The following FAM81A variants were observed in gnomAD, a reference collection of about 807,000 sequenced individuals.
FAM81A encodes the protein protein FAM81A.
A neutral mutation model predicts 46.7 loss-of-function variants in FAM81A; 19 were observed. The ratio of observed to expected loss-of-function variants is 0.41; its 90% confidence interval spans 0.28 to 0.60. FAM81A has a LOEUF of 0.60. Ranked by LOEUF, FAM81A falls within the 20% of genes least tolerant of loss-of-function variation. FAM81A has a pLI of 0.34. For synonymous variants in FAM81A, 183 were observed against 152.9 expected, an observed-to-expected ratio of 1.20 and a Z score of -1.45; for missense variants, 377 against 453.5, an observed-to-expected ratio of 0.83 and a Z score of 1.53.
chr15:59,494,427 A>G (rs1172489815), intron 4 of FAM81A, among the ~76,000 whole-genome samples: 9 of 152,212 alleles, frequency 5.9e-5, no homozygotes, highest in African/African-American at 1.9e-4. Context: ...TGGCTTTATC[A>G]TCTCAGGGGC....
intron 2 of FAM81A, among the ~76,000 whole-genome samples, chr15:59,429,338 C>A (rs1243517249): frequency 6.6e-6 from 1 of 152,068 alleles, no homozygotes; most frequent in African/African-American, 2.4e-5. Flanking sequence ...ATACTCATGT[C>A]CTTTCATTAT....
At chr15:59,488,944 A>G (rs1450416865) in intron 3 of FAM81A, among the ~76,000 whole-genome samples, 3 of 151,482 alleles carry the variant, frequency 2.0e-5, no homozygotes, top group Non-Finnish European at 4.4e-5. Flanking sequence ...GCCTGGGTTC[A>G]GCGCAAGACC....
rs539877529 is a variant in FAM81A, at chr15:59,431,657, T to C, written c.-77-26893T>C. ...TGGGATTATGGGCACCTGCCATGGT[T>C]CCTTTGATATTACCTTGGGGTACAT... is the stretch of plus-strand genomic sequence containing the variant. On this transcript the variant is annotated intron_variant, in intron 2 of 4. Transcript: ENST00000558348. Among the ~76,000 whole-genome samples the C allele has an allele frequency of 4.1e-4, 62 of 152,296 alleles. 2 individuals carry two copies. The highest frequency in any genetic ancestry group is 1.5e-4 in the Non-Finnish European group (10 of 68,024).
chr15:59,458,696 T>C (rs2081513445), intron 2 of FAM81A, 50 bp downstream of exon 2: 2 of 1,530,580 alleles, frequency 1.3e-6, no homozygotes, highest in Non-Finnish European at 1.8e-6. Flanking sequence ...GTGGGTGTGA[T>C]AGTTACAAAT....
At chr15:59,428,193 CTA>C (rs1314080176) in intron 2 of FAM81A, among the ~76,000 whole-genome samples, 2 of 152,094 alleles carry the variant, frequency 1.3e-5, no homozygotes, top group African/African-American at 4.8e-5. Context: ...TTTGCCATTT[CTA>C]TGTCTTCTTG....
At chr15:59,439,897 A>C (rs62013069) in intron 1 of FAM81A, 54,806 of 151,824 alleles carry the variant, frequency 0.36, 10,426 homozygotes, top group Middle Eastern at 0.45. Flanking sequence ...ACCTGGCTTT[A>C]AATGTCTTGT....
chr15:59,489,643 T>G (rs2081961485), intron 3 of FAM81A, among the ~76,000 whole-genome samples: 1 of 152,154 alleles, frequency 6.6e-6, no homozygotes, highest in South Asian at 2.1e-4. Flanking sequence ...TCACATTACC[T>G]GACTTGCAAT....
intron 2 of FAM81A, among the ~76,000 whole-genome samples, chr15:59,459,005 AC>A (rs2081518092): frequency 6.6e-6 from 1 of 152,178 alleles, no homozygotes; most frequent in Non-Finnish European, 1.5e-5. Context: ...GTTCTTAAAT[AC>A]TTTTTTTGGA....
At chr15:59,495,480 T>A (rs2082023666) in intron 4 of FAM81A, among the ~76,000 whole-genome samples, 2 of 152,216 alleles carry the variant, frequency 1.3e-5, no homozygotes, top group Non-Finnish European at 2.9e-5. Context: ...CTGTGAACAT[T>A]TGTCTATTTG....
chr15:59,398,888 G>A (rs28368449), intron 1 of FAM81A, among the ~76,000 whole-genome samples: 16,238 of 151,452 alleles, frequency 0.11, 1,220 homozygotes, highest in East Asian at 0.29. Flanking sequence ...ATCAGCTATC[G>A]GCCAGGTATG....
intron 3 of FAM81A, among the ~76,000 whole-genome samples, chr15:59,472,055 T>C (rs1392546666): frequency 6.6e-6 from 1 of 152,220 alleles, no homozygotes; most frequent in African/African-American, 2.4e-5. Context: ...GGATTTACCT[T>C]TCTTTCATTG....
chr15:59,489,275 A>G (rs1385532081), intron 3 of FAM81A, among the ~76,000 whole-genome samples: 1 of 144,790 alleles, frequency 6.9e-6, no homozygotes, highest in Non-Finnish European at 1.5e-5. Context: ...AAATACATAC[A>G]TACATACATA....
chr15:59,500,749 G>T (rs2082082726), intron 4 of FAM81A, among the ~76,000 whole-genome samples: 1 of 151,004 alleles, frequency 6.6e-6, no homozygotes, highest in African/African-American at 2.4e-5. Context: ...CTATTTTCAA[G>T]TTCACTAGTC....
intron 7 of FAM81A, 131 bp downstream of exon 7, chr15:59,514,555 A>C: frequency 8.7e-7 from 1 of 1,155,678 alleles, no homozygotes; most frequent in South Asian, 1.8e-5. Flanking sequence ...ATCCATTTCC[A>C]TAGTTCCATA....
intron 2 of FAM81A, among the ~76,000 whole-genome samples, chr15:59,417,669 C>A (rs879803405): frequency 6.6e-6 from 1 of 152,152 alleles, no homozygotes; most frequent in Non-Finnish European, 1.5e-5. Flanking sequence ...GAGCCCAGAT[C>A]ATGCCACTAC....
intron 6 of FAM81A, among the ~76,000 whole-genome samples, chr15:59,513,238 C>T (rs1206373629): frequency 6.6e-6 from 1 of 152,046 alleles, no homozygotes; most frequent in East Asian, 1.9e-4. Context: ...TTTTGATTTA[C>T]ATTAGGAAAT....
Position 59,514,274 on chromosome 15 carries a change from ATTT to A in FAM81A, c.651-5_651-3del. The stretch of plus-strand genomic sequence containing the variant: ...TAAACTGTTTTACATCTAACTTGCA[ATTT>A]TTTTTTTTTAGATTTAAAGGTACAG... On this transcript the variant is annotated splice_polypyrimidine_tract_variant and intron_variant, in intron 6 of 8. Coordinates refer to ENST00000288228, the MANE Select transcript of FAM81A (RefSeq NM_152450.3). 2.6e-6 allele frequency: 3 copies of A among 1,143,896 alleles called. No homozygotes were observed. The highest frequency in any genetic ancestry group is 3.6e-6 in the Non-Finnish European group (3 of 833,732). The allele number at this position is 1,143,896 out of a possible 1,614,324, so 70.9% of individuals were successfully genotyped here.
intron 5 of FAM81A, 149 bp from the exon 6 acceptor site, chr15:59,508,714 G>C (rs1450846818): frequency 1.9e-6 from 1 of 527,568 alleles, no homozygotes; most frequent in African/African-American, 1.9e-5. Context: ...AGAAAATGGA[G>C]GTGGAAAGAT....
chr15:59,398,243 C>G (rs953446288), intron 1 of FAM81A, among the ~76,000 whole-genome samples: 2 of 152,152 alleles, frequency 1.3e-5, no homozygotes, highest in African/African-American at 4.8e-5. Flanking sequence ...TCTGGCAGGA[C>G]AGACTTTTTT....
Sources: allele counts gnomAD v4.1 joint callset (sites outside exome capture counted in the v4.1 genomes callset), GRCh38; gene constraint gnomAD v4.1.1; transcripts MANE v1.5; gene names NCBI Gene and HGNC (gene_info 2026-07-23, HGNC 2026-07-21).